Variants in GPC6 observed in about 807,000 individuals in gnomAD.
GPC6 encodes glypican-6.
GPC6 carries 14 observed loss-of-function variants against 55.2 expected under a neutral mutation model. That is an observed-to-expected ratio of 0.25 (90% CI 0.17 to 0.40). GPC6 has a LOEUF of 0.40. Ranked by LOEUF, GPC6 falls within the 10% of genes least tolerant of loss-of-function variation. The probability of loss-of-function intolerance (pLI) is 1.00; values close to 1 mark genes in which losing one functional copy is unlikely to be tolerated. For synonymous variants in GPC6, 278 were observed against 259.6 expected (o/e 1.07, Z -0.68); for missense variants, 641 against 708.5 (o/e 0.90, Z 1.08).
At position 93,930,058 on chromosome 13, in the gene GPC6, T is replaced by A. The variant is rs556347071; in HGVS notation, c.712-97671T>A. ...AACTTTTTAATTAAAAAAATAAATTTAAAAAAAAATGCCAAGACAAAACAC... is the reference window on the plus strand; with the variant it reads ...AACTTTTTAATTAAAAAAATAAATTAAAAAAAAAATGCCAAGACAAAACAC... On this transcript the variant is annotated intron_variant, in intron 3 of 8. Coordinates refer to ENST00000377047, the MANE Select transcript of GPC6 (RefSeq NM_005708.5). Among the ~76,000 whole-genome samples, 599 of 151,120 alleles carry A rather than the reference T, an allele frequency of 4.0e-3. 5 individuals carry two copies. Among genetic ancestry groups the A allele is most frequent in the African/African-American group, 0.013 (527 of 41,188 alleles).
At chr13:93,599,103 G>A (rs767014529) in intron 2 of GPC6, among the ~76,000 whole-genome samples, 31 of 152,140 alleles carry the variant, frequency 2.0e-4, no homozygotes, top group Non-Finnish European at 2.8e-4. Context: ...CTGTGATTTC[G>A]TTTTGATTGT....
chr13:94,223,417 C>T (rs771949353), intron 4 of GPC6, among the ~76,000 whole-genome samples: 10 of 152,060 alleles, frequency 6.6e-5, no homozygotes, highest in African/African-American at 2.2e-4. Context: ...GCTGTGAGTT[C>T]GATATCATTG....
intron 4 of GPC6, among the ~76,000 whole-genome samples, chr13:94,165,709 C>T (rs1367918568): frequency 6.6e-6 from 1 of 152,122 alleles, no homozygotes; most frequent in Admixed American, 6.6e-5. Flanking sequence ...TATAGTGCTA[C>T]AAAGCTAGCA....
intron 1 of GPC6, among the ~76,000 whole-genome samples, chr13:93,399,061 G>GACAT (rs1875968868): frequency 6.6e-6 from 1 of 150,650 alleles, no homozygotes; most frequent in East Asian, 2.0e-4. Context: ...CACACACACA[G>GACAT]ACACACACAC....
At chr13:93,509,369 TG>T (rs1880858828) in intron 1 of GPC6, among the ~76,000 whole-genome samples, 2 of 152,342 alleles carry the variant, frequency 1.3e-5, no homozygotes, top group East Asian at 3.9e-4. Flanking sequence ...AGAATTGGGC[TG>T]CCTTCCTCTC....
intron 3 of GPC6, among the ~76,000 whole-genome samples, chr13:94,021,497 C>G (rs1175623531): frequency 2.0e-5 from 3 of 151,912 alleles, no homozygotes; most frequent in Admixed American, 2.0e-4. Flanking sequence ...ATAAGAATTA[C>G]TTGCTAAAAC....
At chr13:93,295,109 C>CAAA (rs71202577) in intron 1 of GPC6, among the ~76,000 whole-genome samples, 1,015 of 61,680 alleles carry the variant, frequency 0.016, 35 homozygotes, top group Admixed American at 0.057. Context: ...TCTGTCTCTG[C>CAAA]AAAAAAAAAA....
At chr13:93,286,053 C>T (rs1594073876) in intron 1 of GPC6, among the ~76,000 whole-genome samples, 1 of 152,180 alleles carries the variant, frequency 6.6e-6, no homozygotes, top group Non-Finnish European at 1.5e-5. Flanking sequence ...TCCCATGCTG[C>T]TAATAAAGAC....
At chr13:94,111,506 AATAAT>A (rs869212999) in intron 4 of GPC6, among the ~76,000 whole-genome samples, 10 of 138,254 alleles carry the variant, frequency 7.2e-5, no homozygotes, top group African/African-American at 1.9e-4. Context: ...TAATAATAAT[AATAAT>A]AAACTTCTTA....
intron 4 of GPC6, among the ~76,000 whole-genome samples, chr13:94,205,818 A>G (rs1315552890): frequency 2.0e-5 from 3 of 152,198 alleles, no homozygotes; most frequent in African/African-American, 7.2e-5. Flanking sequence ...CAGGATCCTG[A>G]ATATAAAGAG....
chr13:93,257,613 T>TAATC (rs1877000026), intron 1 of GPC6, among the ~76,000 whole-genome samples: 1 of 152,170 alleles, frequency 6.6e-6, no homozygotes, highest in Non-Finnish European at 1.5e-5. Flanking sequence ...TCTTGTAGTA[T>TAATC]CTCGCATAAT....
intron 3 of GPC6, among the ~76,000 whole-genome samples, chr13:93,954,213 T>A (rs1294020872): frequency 1.3e-5 from 2 of 152,256 alleles, no homozygotes; most frequent in African/African-American, 4.8e-5. Context: ...ATCTGCTATT[T>A]ACAACTTGCT....
chr13:93,371,378 T>A (rs1272574025), intron 1 of GPC6, among the ~76,000 whole-genome samples: 7 of 152,110 alleles, frequency 4.6e-5, no homozygotes, highest in Admixed American at 3.3e-4. Context: ...AATGCAATAA[T>A]GAGAGATAAT....
intron 1 of GPC6, among the ~76,000 whole-genome samples, chr13:93,335,367 C>G (rs1022719842): frequency 1.3e-5 from 2 of 152,148 alleles, no homozygotes; most frequent in Admixed American, 6.5e-5. Context: ...CTTTCATTCA[C>G]GGTGTTTCAT....
At chr13:93,795,892 T>A (rs936758629) in intron 2 of GPC6, among the ~76,000 whole-genome samples, 3 of 152,048 alleles carry the variant, frequency 2.0e-5, no homozygotes, top group Admixed American at 1.3e-4. Flanking sequence ...TGGAAAGGCA[T>A]CCAGAAAATT....
chr13:93,298,700 A>G (rs9589708), intron 1 of GPC6, among the ~76,000 whole-genome samples: 3,237 of 151,604 alleles, frequency 0.021, 123 homozygotes, highest in African/African-American at 0.074. Flanking sequence ...GGCCCGCCTC[A>G]GCCTCCCAAA....
intron 1 of GPC6, among the ~76,000 whole-genome samples, chr13:93,492,003 G>T (rs1880030305): frequency 1.4e-5 from 2 of 138,040 alleles, no homozygotes; most frequent in Admixed American, 7.3e-5. Flanking sequence ...TGGCGATGCG[G>T]TCTCTTTTTT....
At chr13:93,425,373 C>T (rs1002863339) in intron 1 of GPC6, among the ~76,000 whole-genome samples, 8 of 151,980 alleles carry the variant, frequency 5.3e-5, no homozygotes, top group Non-Finnish European at 1.0e-4. Flanking sequence ...ATTCTAAAAA[C>T]GTAGGGAAAG....
At chr13:94,345,716 C>T (rs1878253760) in intron 6 of GPC6, among the ~76,000 whole-genome samples, 1 of 152,180 alleles carries the variant, frequency 6.6e-6, no homozygotes. Flanking sequence ...GGGCTGGCTC[C>T]TGGACATATG....
Sources: allele counts gnomAD v4.1 joint callset (sites outside exome capture counted in the v4.1 genomes callset), GRCh38; gene constraint gnomAD v4.1.1; transcripts MANE v1.5; gene names NCBI Gene and HGNC (gene_info 2026-07-23, HGNC 2026-07-21).